The following RUSC1 variants were observed in gnomAD, a reference collection of about 807,000 sequenced individuals.
RUSC1 encodes RUN and SH3 domain containing 1.
Under a neutral mutation model 72.1 loss-of-function variants are expected in RUSC1, and 40 were observed. The ratio of observed to expected loss-of-function variants is 0.55; its 90% CI spans 0.43 to 0.72. The LOEUF (loss-of-function observed/expected upper bound fraction) is 0.72, where lower values mean the gene tolerates loss of function less well. RUSC1 is among the 30% of genes least tolerant of loss of function. The pLI, the probability that RUSC1 is intolerant of heterozygous loss-of-function variation, is 0.00. For missense variants in RUSC1, 1,092 were observed against 1,172.3 expected, an observed-to-expected ratio of 0.93 and a Z score of 1.00; for synonymous variants, 512 against 494.2, an observed-to-expected ratio of 1.04 and a Z score of -0.48.
Position 155,325,792 on chromosome 1 carries a change from TC to T in RUSC1, c.1815-69del. The T allele has an allele frequency of 6.3e-7, 1 of 1,592,504 alleles. No homozygotes were observed. The highest frequency in any genetic ancestry group is 1.1e-5 in the South Asian group (1 of 90,534). The stretch of plus-strand genomic sequence containing the variant: ...AGGCCCCCCCTCTTCCAATCTCATC[TC>T]CCATCCTCCACCCAGAGAGGACTGG... On this transcript the variant is annotated intron_variant, in intron 6 of 9. Transcript: ENST00000368352. This position sits in a 1 kb window ranked among gnomAD's most constrained non-coding sequence, Gnocchi z 6.5.
chr1:155,328,942 A>G (rs1651720752), intron 9 of RUSC1, among the ~76,000 whole-genome samples: 3 of 152,120 alleles, frequency 2.0e-5, no homozygotes, highest in Non-Finnish European at 4.4e-5. Flanking sequence ...CGTGTTGCCC[A>G]GGCTGGTCTA....
intron 1 of RUSC1, 197 bp from the exon 2 acceptor site, chr1:155,321,491 C>T: frequency 6.7e-7 from 1 of 1,482,574 alleles, no homozygotes; most frequent in Non-Finnish European, 9.1e-7. Flanking sequence ...GGCTCCATTC[C>T]CGGGGGGTTA....
Position 155,324,955 on chromosome 1 carries a change from T to G in RUSC1, c.1456+12T>G. On this transcript the variant is annotated intron_variant, in intron 3 of 9. Transcript: ENST00000368352. Reference sequence around the variant, plus strand: ...GGAGCAGAAGAAAGGTAGGGCACCCTGACTCCCGACCCCGCGCTTCCGAAT... The same window carrying G: ...GGAGCAGAAGAAAGGTAGGGCACCCGGACTCCCGACCCCGCGCTTCCGAAT... 1.2e-6 allele frequency: 2 copies of G among 1,614,118 alleles called. No individual in the cohort carries two copies. Among genetic ancestry groups the G allele is most frequent in the East Asian group, 4.5e-5 (2 of 44,878 alleles).
In RUSC1 at chr1:155,322,620, A is replaced by G; in HGVS notation, c.847A>G (p.Ile283Val). The G allele has an allele frequency of 1.2e-6, 2 of 1,614,276 alleles. No homozygotes were observed. Among genetic ancestry groups the G allele is most frequent in the Middle Eastern group, 1.6e-4 (1 of 6,062 alleles). ...FDSGWKTNTR[I>V]TDSGSKTDAG... ...CTCTGGTTGGAAAACCAACACAAGA[A>G]TAACTGATTCTGGCTCGAAAACAGA... is the stretch of plus-strand genomic sequence containing the variant. The change falls in exon 2 of 10, where the codon ATA (isoleucine) becomes GTA (valine). Residue 283 changes from isoleucine to valine, a missense_variant. Ile to Val is a conservative substitution (Grantham distance 29). Coordinates refer to ENST00000368352, the MANE Select transcript of RUSC1 (RefSeq NM_001105203.2).
rs1291014068 is a variant in RUSC1 at position 155,330,487 on chromosome 1, C to T, written c.2625C>T (p.Thr875=). Residue 875 remains threonine, a synonymous_variant, in exon 10 of 10, where the codon ACC becomes ACT. Transcript: ENST00000368352. Reference sequence around the variant, plus strand: ...GTGGGGAAGTGCTGCGTGTCATCACCACAGTGGATGAGGACTGGCTCCGCT... The same window carrying T: ...GTGGGGAAGTGCTGCGTGTCATCACTACAGTGGATGAGGACTGGCTCCGCT... The part of the protein sequence containing the change: ...FRRGEVLRVI[T]TVDEDWLRCG... The T allele has an allele frequency of 6.2e-7, 1 of 1,613,874 alleles. No individual in the cohort carries two copies. Among genetic ancestry groups the T allele is most frequent in the Non-Finnish European group, 8.5e-7 (1 of 1,180,004 alleles).
At chr1:155,328,110 G>A in intron 8 of RUSC1, 40 bp from the exon 9 acceptor site, 1 of 1,591,408 alleles carries the variant, frequency 6.3e-7, no homozygotes, top group South Asian at 1.2e-5. Flanking sequence ...TGGGTTTTCT[G>A]GAAGTGGGTT....
In RUSC1 at chr1:155,325,477, G is replaced by A. The variant is rs749905007; in HGVS notation, c.1695G>A (p.Ala565=). Residue 565 remains alanine, a synonymous_variant, in exon 5 of 10, where the codon GCG becomes GCA. Transcript: ENST00000368352. The surrounding 1 kb of genome is among the most constrained non-coding windows in gnomAD (Gnocchi z 6.5). ...GCAGCCCCTGGAGCGTGGTGGAGGC[G>A]TCGGTGAAGCCAGGTGAGCCAGGAG... is the stretch of plus-strand genomic sequence containing the variant. ...RRSSPWSVVE[A]SVKPGSSTRS... is the part of the protein sequence containing the mutation. 32 of 1,594,328 alleles carry A rather than the reference G, an allele frequency of 2.0e-5. No individual in the cohort carries two copies. The highest frequency in any genetic ancestry group is 2.6e-5 in the Non-Finnish European group (30 of 1,173,504).
In RUSC1 at chr1:155,322,725, G is replaced by A; in HGVS notation, c.952G>A (p.Glu318Lys). The A allele has an allele frequency of 1.9e-6, 3 of 1,614,224 alleles. No homozygotes were observed. In the African/African-American group the frequency reaches 4.0e-5, roughly 22 times the overall value. ...CCACCGGACAATCACGTCCTTCCAC[G>A]AGCTGGCCCAGAAGCGCAAGCGGGG... ...VPHRTITSFH[E>K]LAQKRKRGPG... The change falls in exon 2 of 10, where the codon GAG becomes AAG. Residue 318 changes from glutamate (E) to lysine (K), a missense_variant. By Grantham distance (56) the Glu-to-Lys change is moderately conservative. Coordinates refer to ENST00000368352, the MANE Select transcript of RUSC1 (RefSeq NM_001105203.2).
Position 155,326,696 on chromosome 1 carries a change from C to T in RUSC1, c.1978C>T (p.His660Tyr), listed in dbSNP as rs769534243. 1.2e-6 allele frequency: 2 copies of T among 1,613,696 alleles called. No individual in the cohort carries two copies. The highest frequency in any genetic ancestry group is 1.7e-6 in the Non-Finnish European group (2 of 1,180,034). ...GCAGCCATTGTCGGTGCTCACTTTC[C>T]ACCTGGACCTGCTCTTTGAGCACCA... Reference protein sequence around the residue: ...LLQPLSVLTFHLDLLFEHHHH... With the variant: ...LLQPLSVLTFYLDLLFEHHHH... The change falls in exon 8 of 10, where the codon CAC (histidine) becomes TAC (tyrosine). Residue 660 changes from histidine (H) to tyrosine (Y), a missense_variant. Coordinates refer to ENST00000368352, the MANE Select transcript of RUSC1 (RefSeq NM_001105203.2). The surrounding 1 kb of genome is among the most constrained non-coding windows in gnomAD (Gnocchi z 4.7).
chr1:155,327,064 C>T lies in RUSC1; in HGVS notation c.2346C>T (p.Leu782=). The T allele has an allele frequency of 1.2e-6, 2 of 1,613,366 alleles. No homozygotes were observed. Among genetic ancestry groups the T allele is most frequent in the Middle Eastern group, 1.6e-4 (1 of 6,062 alleles). The change falls in exon 8 of 10, where the codon CTC becomes CTT. Residue 782 remains leucine (L), a synonymous_variant. Transcript: ENST00000368352. ...ATGAGATGGCACCAGGCAGGGGCCT[C>T]TGGTTGGGAAGACTATTTGGAGTGC... ...PTDEMAPGRG[L]WLGRLFGVPG...
chr1:155,321,988 G>T lies in RUSC1; in HGVS notation c.215G>T (p.Arg72Leu), dbSNP rs964868866. ...ANSNSPAVPC[R>L]CCQEHGPGLE... ...TCCAACAGCCCAGCTGTGCCCTGCC[G>T]GTGCTGCCAGGAGCACGGTCCGGGC... is the stretch of plus-strand genomic sequence containing the variant. Residue 72 changes from arginine (R) to leucine (L), a missense_variant, in exon 2 of 10, where the codon CGG (arginine) becomes CTG (leucine). Coordinates refer to ENST00000368352, the MANE Select transcript of RUSC1 (RefSeq NM_001105203.2). 6.3e-7 allele frequency: 1 copy of T among 1,599,232 alleles called. No homozygotes were observed. Among genetic ancestry groups the T allele is most frequent in the Non-Finnish European group, 8.5e-7 (1 of 1,171,750 alleles).
intron 9 of RUSC1, among the ~76,000 whole-genome samples, chr1:155,328,863 G>A (rs917928891): frequency 1.3e-5 from 2 of 152,118 alleles, no homozygotes; most frequent in African/African-American, 4.8e-5. Flanking sequence ...CTCCCAAAGT[G>A]CTGGAATTAT....
At chr1:155,328,382 A>C in intron 9 of RUSC1, 107 bp downstream of exon 9, 1 of 1,187,394 alleles carries the variant, frequency 8.4e-7, no homozygotes, top group Non-Finnish European at 1.1e-6. Flanking sequence ...GACCGTGCTT[A>C]GTGTGCATTG....
intron 8 of RUSC1, among the ~76,000 whole-genome samples, chr1:155,327,639 C>T (rs1446212776): frequency 6.6e-6 from 1 of 152,094 alleles, no homozygotes; most frequent in Non-Finnish European, 1.5e-5. Context: ...CAGAAAAATA[C>T]AAAAATTAGC....
Position 155,322,847 on chromosome 1 carries a change from G to A in RUSC1, c.1074G>A (p.Pro358=), listed in dbSNP as rs749843158. Residue 358 remains proline, a synonymous_variant, in exon 2 of 10, where the codon CCG becomes CCA. Transcript: ENST00000368352. The stretch of plus-strand genomic sequence containing the variant: ...CCGAGCTCCCCCCCTCGGGGTCGCC[G>A]GGCGGCTCCTCGGCACCTCCTCGGG... ...PDTELPPSGS[P]GGSSAPPREV... is the part of the protein sequence containing the mutation. 6.2e-7 allele frequency: 1 copy of A among 1,613,240 alleles called. No homozygotes were observed. Among genetic ancestry groups the A allele is most frequent in the Non-Finnish European group, 8.5e-7 (1 of 1,179,792 alleles).
Position 155,321,800 on chromosome 1 carries a change from C to T in RUSC1, c.27C>T (p.Leu9=), listed in dbSNP as rs754551105. MLSPQRAL[L]CNLNHIHLQH... Reference sequence around the variant, plus strand: ...TGCTGTCCCCTCAGAGAGCTTTACTCTGCAACCTCAACCACATCCACCTCC... The same window carrying T: ...TGCTGTCCCCTCAGAGAGCTTTACTTTGCAACCTCAACCACATCCACCTCC... The change falls in exon 2 of 10, where the codon CTC becomes CTT. Residue 9 remains leucine, a synonymous_variant. Coordinates refer to ENST00000368352, the MANE Select transcript of RUSC1 (RefSeq NM_001105203.2). 3.1e-6 allele frequency: 5 copies of T among 1,613,888 alleles called. No individual in the cohort carries two copies. The Admixed American group carries it at 8.3e-5, about 27-fold the overall frequency.
chr1:155,325,553 C>A lies in RUSC1; in HGVS notation c.1709-14C>A, dbSNP rs773746078. 6.2e-7 allele frequency: 1 copy of A among 1,608,276 alleles called. No homozygotes were observed. On this transcript the variant is annotated splice_polypyrimidine_tract_variant and intron_variant, in intron 5 of 9. Coordinates refer to ENST00000368352, the MANE Select transcript of RUSC1 (RefSeq NM_001105203.2). The surrounding 1 kb of genome is among the most constrained non-coding windows in gnomAD (Gnocchi z 6.5). ...GCAGGGCCGGGCTTGGCTGACTGCACCCCACGTTCTCAGGCTCCAGCACCC... is the reference window on the plus strand; with the variant it reads ...GCAGGGCCGGGCTTGGCTGACTGCAACCCACGTTCTCAGGCTCCAGCACCC...
At position 155,325,916 on chromosome 1, in the gene RUSC1, A is replaced by T. The variant is rs1023391733; in HGVS notation, c.1861+6A>T. The stretch of plus-strand genomic sequence containing the variant: ...CAGTCTCCAGGAAGATGCAGGTCAG[A>T]GGTTCAGATGGTAGAGGATGGGGCT... On this transcript the variant is annotated splice_donor_region_variant and intron_variant, in intron 7 of 9. Transcript: ENST00000368352. The surrounding 1 kb of genome is among the most constrained non-coding windows in gnomAD (Gnocchi z 6.5). The T allele has an allele frequency of 4.3e-6, 7 of 1,613,914 alleles. No homozygotes were observed. Among genetic ancestry groups the T allele is most frequent in the Non-Finnish European group, 5.9e-6 (7 of 1,179,950 alleles).
rs1366118539 is a variant in RUSC1, at chr1:155,326,959, C to T, written c.2241C>T (p.Gly747=). The change falls in exon 8 of 10, where the codon GGC becomes GGT. Residue 747 remains glycine (G), a synonymous_variant. Coordinates refer to ENST00000368352, the MANE Select transcript of RUSC1 (RefSeq NM_001105203.2). This position sits in a 1 kb window ranked among gnomAD's most constrained non-coding sequence, Gnocchi z 4.7. ...TCTATGCCTCTGGGGGCACTGAGGG[C>T]TTTCCTCTTTCCCGATGGGCACCGG... ...SRVYASGGTE[G]FPLSRWAPGR... The T allele has an allele frequency of 6.2e-7, 1 of 1,613,670 alleles. No individual in the cohort carries two copies. The highest frequency in any genetic ancestry group is 8.5e-7 in the Non-Finnish European group (1 of 1,180,048).
Sources: allele counts gnomAD v4.1 joint callset (sites outside exome capture counted in the v4.1 genomes callset), GRCh38; gene constraint gnomAD v4.1.1; non-coding constraint Gnocchi (gnomAD v3.1); transcripts MANE v1.5; gene names NCBI Gene and HGNC (gene_info 2026-07-23, HGNC 2026-07-21).